Variants in MAML3 observed in about 807,000 individuals in gnomAD.
MAML3 encodes the protein mastermind like transcriptional coactivator 3.
A neutral mutation model predicts 101.9 loss-of-function variants in MAML3; 27 were observed. The observed-to-expected ratio is 0.27, with a 90% CI of 0.20 to 0.37. The LOEUF (loss-of-function observed/expected upper bound fraction) is 0.37. Ranked by LOEUF, MAML3 falls within the 10% of genes least tolerant of loss-of-function variation. MAML3 has a pLI of 1.00. For missense variants in MAML3, 1,316 were observed against 1,444.9 expected, an observed-to-expected ratio of 0.91 and a Z score of 1.45; for synonymous variants, 501 against 555.9, an observed-to-expected ratio of 0.90 and a Z score of 1.39.
At chr4:139,802,605 A>G (rs764599562) in intron 2 of MAML3, among the ~76,000 whole-genome samples, 18 of 152,300 alleles carry the variant, frequency 1.2e-4, no homozygotes, top group Admixed American at 1.2e-3. Flanking sequence ...AAATGAGTAC[A>G]GTTGTTTGTT....
At chr4:140,034,082 A>G (rs979524409) in intron 1 of MAML3, among the ~76,000 whole-genome samples, 11 of 152,312 alleles carry the variant, frequency 7.2e-5, no homozygotes, top group Non-Finnish European at 1.2e-4. Context: ...ATAGCAACCA[A>G]GGGTTTACAA....
intron 2 of MAML3, among the ~76,000 whole-genome samples, chr4:139,775,642 G>T (rs189925807): frequency 6.6e-6 from 1 of 152,060 alleles, no homozygotes; most frequent in Non-Finnish European, 1.5e-5. Flanking sequence ...GGAGTGGTTC[G>T]GGGGGCAGAA....
At chr4:140,004,715 C>T (rs1001837793) in intron 1 of MAML3, among the ~76,000 whole-genome samples, 2 of 151,966 alleles carry the variant, frequency 1.3e-5, no homozygotes, top group Non-Finnish European at 2.9e-5. Flanking sequence ...ACGGGGCTGG[C>T]GAGGGAGCCT....
chr4:139,893,055 T>C (rs951049020), intron 1 of MAML3, among the ~76,000 whole-genome samples: 4 of 151,936 alleles, frequency 2.6e-5, no homozygotes, highest in African/African-American at 9.7e-5. Flanking sequence ...TCCCTTACCC[T>C]ACATTTTCCA....
intron 1 of MAML3, among the ~76,000 whole-genome samples, chr4:140,125,920 A>G (rs1450109405): frequency 6.6e-6 from 1 of 152,084 alleles, no homozygotes; most frequent in Admixed American, 6.6e-5. Context: ...CTGGGATTAC[A>G]GGCACGTGCC....
At chr4:140,129,194 C>T (rs549190364) in intron 1 of MAML3, among the ~76,000 whole-genome samples, 1 of 152,292 alleles carries the variant, frequency 6.6e-6, no homozygotes, top group East Asian at 1.9e-4. Context: ...TTAAAAGTGT[C>T]TCACACTCAG....
At position 139,820,931 on chromosome 4, in the gene MAML3, C is replaced by T. The variant is rs1050361284; in HGVS notation, c.2079+68426G>A. 1.6e-4 allele frequency among the ~76,000 whole-genome samples: 24 copies of T among 152,130 alleles called. 1 individual carries two copies. The highest frequency in any genetic ancestry group is 5.1e-4 in the African/African-American group (21 of 41,410). On this transcript the variant is annotated intron_variant, in intron 2 of 4. Transcript: ENST00000509479. ...AGAATCAGTAGGTCAAGGAGTAGGA[C>T]CACCTTTGAGGAGCTCTCCACATAC...
intron 1 of MAML3, among the ~76,000 whole-genome samples, chr4:139,954,854 C>T (rs1733890229): frequency 6.6e-6 from 1 of 151,074 alleles, no homozygotes; most frequent in African/African-American, 2.4e-5. Context: ...ATGCATGTAA[C>T]CAAATAGTAC....
intron 2 of MAML3, among the ~76,000 whole-genome samples, chr4:139,881,896 T>C (rs1732227794): frequency 6.6e-6 from 1 of 152,118 alleles, no homozygotes; most frequent in Non-Finnish European, 1.5e-5. Context: ...AGACGGGGTT[T>C]CACCATATTG....
intron 1 of MAML3, among the ~76,000 whole-genome samples, chr4:140,037,624 AT>A (rs2110901994): frequency 6.6e-6 from 1 of 152,370 alleles, no homozygotes; most frequent in Admixed American, 6.5e-5. Context: ...GCACGTCTTC[AT>A]TCAGCACAAA....
intron 1 of MAML3, among the ~76,000 whole-genome samples, chr4:140,093,670 C>T (rs1281665796): frequency 3.3e-5 from 5 of 151,958 alleles, no homozygotes; most frequent in Non-Finnish European, 7.4e-5. Context: ...TCTCGTGATC[C>T]GCCCGTCTCG....
chr4:140,002,589 T>C (rs1734944011), intron 1 of MAML3, among the ~76,000 whole-genome samples: 1 of 152,236 alleles, frequency 6.6e-6, no homozygotes, highest in South Asian at 2.1e-4. Flanking sequence ...AGGTTCTAAA[T>C]ACTAGCCTTA....
chr4:139,975,934 T>C (rs557445338), intron 1 of MAML3, among the ~76,000 whole-genome samples: 65 of 152,316 alleles, frequency 4.3e-4, no homozygotes, highest in African/African-American at 1.5e-3. Context: ...AGGAGAATGT[T>C]AGGGGCAAAA....
At chr4:139,906,252 C>T (rs1732820716) in intron 1 of MAML3, among the ~76,000 whole-genome samples, 1 of 152,072 alleles carries the variant, frequency 6.6e-6, no homozygotes, top group African/African-American at 2.4e-5. Flanking sequence ...TACCACCTGC[C>T]CAGCATGTAT....
chr4:139,852,237 TAA>T (rs1452500072), intron 2 of MAML3, among the ~76,000 whole-genome samples: 1 of 152,050 alleles, frequency 6.6e-6, no homozygotes, highest in African/African-American at 2.4e-5. Flanking sequence ...ATTTTGGGGG[TAA>T]GTTTCTTGGT....
intron 2 of MAML3, chr4:139,740,420 G>A (rs1207464889): frequency 1.3e-5 from 2 of 152,174 alleles, no homozygotes; most frequent in South Asian, 2.1e-4. Context: ...TGGACTGAAA[G>A]TGGTTTGTCA....
At chr4:139,790,237 A>ATATC (rs1159605117) in intron 2 of MAML3, among the ~76,000 whole-genome samples, 1 of 145,064 alleles carries the variant, frequency 6.9e-6, no homozygotes, top group Non-Finnish European at 1.5e-5. Context: ...ATATATATAT[A>ATATC]TATATAAATA....
intron 2 of MAML3, among the ~76,000 whole-genome samples, chr4:139,780,911 G>A (rs1323178747): frequency 1.3e-5 from 2 of 152,138 alleles, no homozygotes; most frequent in African/African-American, 2.4e-5. Flanking sequence ...TTACAGGTGT[G>A]AGCCACTGCA....
chr4:139,855,873 A>AT (rs1372381010), intron 2 of MAML3, among the ~76,000 whole-genome samples: 1 of 152,248 alleles, frequency 6.6e-6, no homozygotes, highest in Non-Finnish European at 1.5e-5. Context: ...ATGCTTCCTA[A>AT]TAAAAATTCC....
Sources: gnomAD v4.1 joint callset for allele counts (sites outside exome capture counted in the v4.1 genomes callset) on GRCh38, gnomAD v4.1.1 for gene constraint, MANE v1.5 for transcripts, NCBI Gene and HGNC (gene_info 2026-07-23, HGNC 2026-07-21) for gene names.